The following PARP11 variants were observed in gnomAD, a reference collection of about 807,000 sequenced individuals.
PARP11 encodes the protein poly(ADP-ribose) polymerase family member 11.
Under a neutral mutation model 42.9 loss-of-function variants are expected in PARP11, and 31 were observed. The ratio of observed to expected loss-of-function variants is 0.72; its 90% CI spans 0.54 to 0.98. The LOEUF (loss-of-function observed/expected upper bound fraction) is 0.98, where lower values mean the gene tolerates loss of function less well. Ranked by LOEUF, PARP11 falls within the 50% of genes least tolerant of loss-of-function variation. PARP11 has a pLI of 0.00. For synonymous variants in PARP11, 137 were observed against 127.3 expected (o/e 1.08, Z -0.51); for missense variants, 365 against 413.1 (o/e 0.88, Z 1.01).
intron 1 of PARP11, among the ~76,000 whole-genome samples, chr12:3,849,807 C>T (rs1274119980): frequency 2.0e-5 from 3 of 151,948 alleles, no homozygotes. Context: ...TTCAAAATAG[C>T]TAGAAGGGAA....
At position 3,812,127 on chromosome 12, in the gene PARP11, T is replaced by A; in HGVS notation, c.1013A>T (p.His338Leu). The A allele has an allele frequency of 6.3e-7, 1 of 1,588,048 alleles. No individual in the cohort carries two copies. The highest frequency in any genetic ancestry group is 8.6e-7 in the Non-Finnish European group (1 of 1,167,232). The part of the protein sequence containing the change: ...QIYPEYLIDF[H>L] ...CACCGAGATTTGGAAGTGAAATCAA[T>A]GAAAGTCTATCAAGTACTCAGGATA... Residue 338 changes from histidine to leucine, a missense_variant, in exon 8 of 8, where the codon CAT becomes CTT. Transcript: ENST00000228820.
intron 1 of PARP11, among the ~76,000 whole-genome samples, chr12:3,869,831 G>A (rs895957863): frequency 6.6e-6 from 1 of 152,218 alleles, no homozygotes; most frequent in African/African-American, 2.4e-5. Context: ...AAAGGCTGGA[G>A]CCTAGTCTGT....
At position 3,812,000 on chromosome 12, in the gene PARP11, CTTT is replaced by C; in HGVS notation, c.*120_*122del. The C allele has an allele frequency of 1.3e-6, 1 of 762,892 alleles. No homozygotes were observed. The highest frequency in any genetic ancestry group is 2.7e-4 in the Middle Eastern group (1 of 3,644). The allele number at this position is 762,892 out of a possible 1,614,324, so 47.3% of individuals were successfully genotyped here. A position where few individuals can be genotyped will look rare whatever the true frequency, so the allele number is the denominator to read the frequency against. ...AGTATGTCTTTTTATATGGAGGCCACTTTTTTTCATATCTGTTTCAAAAGTATC... is the reference window on the plus strand; with the variant it reads ...AGTATGTCTTTTTATATGGAGGCCACTTTTCATATCTGTTTCAAAAGTATC... On this transcript the variant is annotated 3_prime_UTR_variant, in exon 8 of 8. Coordinates refer to ENST00000228820, the MANE Select transcript of PARP11 (RefSeq NM_020367.6).
chr12:3,848,133 T>C (rs1948034729), intron 1 of PARP11, among the ~76,000 whole-genome samples: 1 of 152,082 alleles, frequency 6.6e-6, no homozygotes, highest in Non-Finnish European at 1.5e-5. Context: ...CAGGAAAAAC[T>C]ATAAAATGCT....
chr12:3,813,497 T>C (rs907044817), intron 7 of PARP11, among the ~76,000 whole-genome samples: 1 of 152,226 alleles, frequency 6.6e-6, no homozygotes. Context: ...TGGAAATGAA[T>C]TGCAAAGTCT....
Position 3,809,471 on chromosome 12 carries a change from CA to C in PARP11, c.*2651del, listed in dbSNP as rs1439988992. 6.6e-6 allele frequency: 1 copy of C among 151,972 alleles called. No homozygotes were observed. Among genetic ancestry groups the C allele is most frequent in the Non-Finnish European group, 1.5e-5 (1 of 67,996 alleles). 9.4% of individuals were successfully genotyped at this position (151,972 alleles called of 1,614,324 possible). On this transcript the variant is annotated 3_prime_UTR_variant, in exon 8 of 8. Coordinates refer to ENST00000228820, the MANE Select transcript of PARP11 (RefSeq NM_020367.6). ...TGCATTCTACATATTTCATAGAAAC[CA>C]ACTAGGTAAGTTCAGCGTTCGCAGA... is the stretch of plus-strand genomic sequence containing the variant.
At chr12:3,848,112 A>G (rs1181059338) in intron 1 of PARP11, among the ~76,000 whole-genome samples, 1 of 152,188 alleles carries the variant, frequency 6.6e-6, no homozygotes, top group African/African-American at 2.4e-5. Context: ...AACTAAAATG[A>G]AAGATCTATA....
chr12:3,838,506 TA>T (rs1008321581), intron 1 of PARP11, among the ~76,000 whole-genome samples: 1 of 151,748 alleles, frequency 6.6e-6, no homozygotes, highest in Non-Finnish European at 1.5e-5. Context: ...AGTACACTTC[TA>T]AAAAAAGAAA....
chr12:3,826,369 A>G (rs1947526722), intron 3 of PARP11, 136 bp from the exon 4 acceptor site: 1 of 563,534 alleles, frequency 1.8e-6, no homozygotes, highest in African/African-American at 1.9e-5. Flanking sequence ...ATAGTGTATT[A>G]TGGGTACTTT....
intron 1 of PARP11, among the ~76,000 whole-genome samples, chr12:3,843,758 A>T (rs188791463): frequency 2.2e-4 from 33 of 152,334 alleles, no homozygotes; most frequent in African/African-American, 7.2e-4. Context: ...CACAGTATTC[A>T]TTCATCTGTG....
intron 1 of PARP11, among the ~76,000 whole-genome samples, chr12:3,857,449 T>A (rs1948214027): frequency 6.6e-6 from 1 of 152,146 alleles, no homozygotes; most frequent in South Asian, 2.1e-4. Context: ...TGTTTTGACA[T>A]TATTATCCTA....
chr12:3,856,959 T>C (rs983835976), intron 1 of PARP11, among the ~76,000 whole-genome samples: 1 of 152,262 alleles, frequency 6.6e-6, no homozygotes, highest in Admixed American at 6.5e-5. Flanking sequence ...TAAAAAAGGA[T>C]GAGTTCAAGT....
At chr12:3,842,222 G>A in intron 1 of PARP11, 3 of 1,602,448 alleles carry the variant, frequency 1.9e-6, no homozygotes, top group Non-Finnish European at 2.6e-6. Flanking sequence ...ATAGCAGAGT[G>A]CAAAGACCAA....
At chr12:3,849,924 ATG>A (rs1948065502) in intron 1 of PARP11, among the ~76,000 whole-genome samples, 1 of 148,722 alleles carries the variant, frequency 6.7e-6, no homozygotes, top group African/African-American at 2.6e-5. Context: ...AAATTATCAC[ATG>A]TCCTGAAAAT....
At chr12:3,850,085 T>A (rs1259775100) in intron 1 of PARP11, among the ~76,000 whole-genome samples, 2 of 152,044 alleles carry the variant, frequency 1.3e-5, no homozygotes, top group African/African-American at 2.4e-5. Context: ...AAAGCTATAT[T>A]GGAGAAGGAA....
Position 3,814,148 on chromosome 12 carries a change from T to C in PARP11, c.589A>G (p.Ile197Val). The change falls in exon 7 of 8, where the codon ATT becomes GTT. Residue 197 changes from isoleucine (I) to valine (V), a missense_variant. Ile to Val is a conservative substitution (Grantham distance 29). Transcript: ENST00000228820. ...QLKKKRGVPQ[I>V]NEQMLFHGTS... is the part of the protein sequence containing the mutation. ...CCATGAAACAGCATTTGTTCATTAATCTGAGGCACACCTCTTTTTTTCTTG... is the reference window on the plus strand; with the variant it reads ...CCATGAAACAGCATTTGTTCATTAACCTGAGGCACACCTCTTTTTTTCTTG... The C allele has an allele frequency of 1.2e-6, 2 of 1,607,516 alleles. No individual in the cohort carries two copies. Among genetic ancestry groups the C allele is most frequent in the Non-Finnish European group, 1.7e-6 (2 of 1,175,896 alleles).
At chr12:3,827,596 C>T (rs1392386901) in intron 3 of PARP11, among the ~76,000 whole-genome samples, 2 of 151,836 alleles carry the variant, frequency 1.3e-5, no homozygotes, top group Non-Finnish European at 2.9e-5. Flanking sequence ...TGCTTATTTG[C>T]CTAATGGCAT....
intron 6 of PARP11, among the ~76,000 whole-genome samples, chr12:3,814,532 C>T (rs3825338): frequency 0.1 from 15,407 of 152,124 alleles, 1,107 homozygotes; most frequent in Admixed American, 0.22. Context: ...ACAAGTAATA[C>T]AAAGTTTGCA....
rs1001970228 is a variant in PARP11, at chr12:3,840,821, C to T, written c.19-10803G>A. ...GCAACAGTTTCATCACCATCAAAGT[C>T]AAAGAAGTTAGAGTGCCCTTCTCCT... On this transcript the variant is annotated intron_variant, in intron 1 of 7. Transcript: ENST00000228820. The surrounding 1 kb of genome is among the most constrained non-coding windows in gnomAD (Gnocchi z 4.4). 3.0e-5 allele frequency: 48 copies of T among 1,594,432 alleles called. 1 individual carries two copies. Among genetic ancestry groups the T allele is most frequent in the East Asian group, 4.5e-5 (2 of 44,810 alleles).
Sources: gnomAD v4.1 joint callset for allele counts (sites outside exome capture counted in the v4.1 genomes callset) on GRCh38, gnomAD v4.1.1 for gene constraint, Gnocchi (gnomAD v3.1) non-coding constraint, MANE v1.5 for transcripts, NCBI Gene and HGNC (gene_info 2026-07-23, HGNC 2026-07-21) for gene names.